NCR1: variants seen among roughly 807,000 people sequenced by gnomAD.
NCR1 encodes natural cytotoxicity triggering receptor 1.
In NCR1, 30 loss-of-function variants were observed where a neutral mutation model predicts 32.5. That is an observed-to-expected ratio of 0.92 (90% CI 0.69 to 1.25). NCR1 has a LOEUF of 1.25. NCR1 is among the 50% of genes most tolerant of loss of function. The probability of loss-of-function intolerance (pLI) is 0.00; values close to 1 mark genes in which losing one functional copy is unlikely to be tolerated. For missense variants in NCR1, 369 were observed against 380.7 expected (o/e 0.97, Z 0.26); for synonymous variants, 169 against 143.4 (o/e 1.18, Z -1.28).
rs1025303682 is a variant in NCR1 at position 54,912,849 on chromosome 19, G to T, written c.893G>T (p.Arg298Met). Residue 298 changes from arginine to methionine, a missense_variant, in exon 7 of 7, where the codon AGG (arginine) becomes ATG (methionine). Physicochemically the swap from Arg to Met is moderately conservative, Grantham distance 91. Coordinates refer to ENST00000291890, the MANE Select transcript of NCR1 (RefSeq NM_004829.7). Reference sequence around the variant, plus strand: ...GCTTCCACTTGGGAAGGCAGGAGAAGGCTGAACACACAGACTCTTTGAAGA... The same window carrying T: ...GCTTCCACTTGGGAAGGCAGGAGAATGCTGAACACACAGACTCTTTGAAGA... Reference protein sequence around the residue: ...SRASTWEGRRRLNTQTL With the variant: ...SRASTWEGRRMLNTQTL The T allele has an allele frequency of 6.2e-7, 1 of 1,613,760 alleles. No homozygotes were observed. Among genetic ancestry groups the T allele is most frequent in the Non-Finnish European group, 8.5e-7 (1 of 1,179,956 alleles).
In NCR1 at chr19:54,912,962, A is replaced by T. The variant is rs1019677661; in HGVS notation, c.*91A>T. 1.6e-6 allele frequency: 2 copies of T among 1,264,002 alleles called. No individual in the cohort carries two copies. The highest frequency in any genetic ancestry group is 2.9e-5 in the South Asian group (2 of 68,218). 78.3% of individuals were successfully genotyped at this position (1,264,002 alleles called of 1,614,324 possible). A position where few individuals can be genotyped will look rare whatever the true frequency, so the allele number is the denominator to read the frequency against. On this transcript the variant is annotated 3_prime_UTR_variant, in exon 7 of 7. Coordinates refer to ENST00000291890, the MANE Select transcript of NCR1 (RefSeq NM_004829.7). ...GAGCTCTGTGTTGGACCCACGGAGG[A>T]GGGAGTCACTGCAGGGAAAGAGGGA...
At chr19:54,898,787 C>T in the NCR1 span, among the ~76,000 whole-genome samples, 1 of 152,072 alleles carries the variant, frequency 6.6e-6, no homozygotes. Context: ...GAAAAAGGAG[C>T]ATTAACCTTG....
At chr19:54,912,256 G>A (rs768284726) in intron 6 of NCR1, 38 bp downstream of exon 6, 1 of 1,594,906 alleles carries the variant, frequency 6.3e-7, no homozygotes, top group Admixed American at 1.7e-5. Flanking sequence ...CTGAAGGAAG[G>A]GGCTGGGCAT....
chr19:54,904,531 C>CTTTTT (rs1556717280), upstream of NCR1, among the ~76,000 whole-genome samples: 79 of 118,938 alleles, frequency 6.6e-4, no homozygotes, highest in Non-Finnish European at 9.2e-4. Flanking sequence ...GTTTTCTTTT[C>CTTTTT]TTTTTTTTTT....
At chr19:54,910,565 C>G (rs968700870) in intron 5 of NCR1, among the ~76,000 whole-genome samples, 4 of 150,990 alleles carry the variant, frequency 2.6e-5, no homozygotes, top group Non-Finnish European at 5.9e-5. Flanking sequence ...CAGCGAGACT[C>G]CATCTCACAG....
At chr19:54,912,375 T>A (rs533001314) in intron 6 of NCR1, among the ~76,000 whole-genome samples, 157 bp downstream of exon 6, 1 of 151,404 alleles carries the variant, frequency 6.6e-6, no homozygotes, top group Non-Finnish European at 1.5e-5. Flanking sequence ...GGCGGGCAGA[T>A]CATCTGAGGT....
At chr19:54,911,928 A>AG (rs2067996229) in intron 5 of NCR1, among the ~76,000 whole-genome samples, 1 of 152,066 alleles carries the variant, frequency 6.6e-6, no homozygotes, top group East Asian at 1.9e-4. Flanking sequence ...AAAAAAAAAA[A>AG]AAATAGAAGA....
the NCR1 span, chr19:54,933,849 C>T: frequency 3.2e-6 from 3 of 936,746 alleles, no homozygotes; most frequent in Non-Finnish European, 5.2e-6. Flanking sequence ...TCCTGTTCAT[C>T]CCCTGCCCTC....
chr19:54,925,979 G>A, the NCR1 span, among the ~76,000 whole-genome samples: 14,433 of 150,648 alleles, frequency 0.096, 1,021 homozygotes, highest in East Asian at 0.35. Flanking sequence ...CAGCCTGGGC[G>A]ACAGAGACTG....
chr19:54,930,016 G>T, the NCR1 span, among the ~76,000 whole-genome samples: 3 of 150,612 alleles, frequency 2.0e-5, no homozygotes, highest in Non-Finnish European at 4.4e-5. Flanking sequence ...TCAGGAGGCT[G>T]AGGCAGGAGA....
chr19:54,906,170 G>A lies in NCR1; in HGVS notation c.-18G>A. The A allele has an allele frequency of 2.5e-6, 4 of 1,614,102 alleles. No homozygotes were observed. Among genetic ancestry groups the A allele is most frequent in the Non-Finnish European group, 3.4e-6 (4 of 1,180,038 alleles). On this transcript the variant is annotated 5_prime_UTR_variant, in exon 1 of 7. Coordinates refer to ENST00000291890, the MANE Select transcript of NCR1 (RefSeq NM_004829.7). ...CTCAGTCCCCACTGCTCAGCACTAG[G>A]CCGGCAGAATCTGAGCGATGTCTTC...
the NCR1 span, among the ~76,000 whole-genome samples, chr19:54,898,492 G>A: frequency 1.3e-5 from 2 of 152,188 alleles, no homozygotes; most frequent in African/African-American, 2.4e-5. Flanking sequence ...GAAATATGTT[G>A]CTATTTGGCT....
the NCR1 span, among the ~76,000 whole-genome samples, chr19:54,924,261 C>A: frequency 6.6e-6 from 1 of 152,120 alleles, no homozygotes; most frequent in Non-Finnish European, 1.5e-5. Context: ...AGCCACAGCA[C>A]CCAGTCAGAA....
chr19:54,933,348 T>C, the NCR1 span, among the ~76,000 whole-genome samples: 2 of 152,160 alleles, frequency 1.3e-5, no homozygotes, highest in African/African-American at 2.4e-5. Context: ...GGTTTCACCA[T>C]GTTAACCAGG....
At chr19:54,930,802 G>A in the NCR1 span, 1 of 745,476 alleles carries the variant, frequency 1.3e-6, no homozygotes, top group Non-Finnish European at 2.3e-6. Flanking sequence ...TGCAACCTCT[G>A]CCTCCCAGGT....
At chr19:54,932,559 G>A in the NCR1 span, among the ~76,000 whole-genome samples, 1 of 152,128 alleles carries the variant, frequency 6.6e-6, no homozygotes, top group Non-Finnish European at 1.5e-5. Context: ...CTCACGCTGG[G>A]CTTCTTTCCA....
upstream of NCR1, among the ~76,000 whole-genome samples, chr19:54,903,316 A>G (rs1055261529): frequency 7.6e-5 from 10 of 131,458 alleles, no homozygotes; most frequent in East Asian, 6.7e-4. Flanking sequence ...ATGTATACAT[A>G]CATGTATATA....
intron 6 of NCR1, 50 bp from the exon 7 acceptor site, chr19:54,912,640 A>C: frequency 5.7e-6 from 3 of 522,350 alleles, no homozygotes; most frequent in African/African-American, 2.2e-5. Context: ...AAAAAAAAAG[A>C]GGGTGTCCTT....
At chr19:54,923,284 G>A in the NCR1 span, among the ~76,000 whole-genome samples, 1,390 of 152,268 alleles carry the variant, frequency 9.1e-3, 10 homozygotes, top group Non-Finnish European at 0.014. Context: ...TTGTCAATGC[G>A]TGGGTTGATC....
Sources: allele counts gnomAD v4.1 joint callset (sites outside exome capture counted in the v4.1 genomes callset), GRCh38; gene constraint gnomAD v4.1.1; transcripts MANE v1.5; gene names NCBI Gene and HGNC (gene_info 2026-07-23, HGNC 2026-07-21).